PDSS1: variants seen among roughly 807,000 people sequenced by gnomAD.
PDSS1 encodes the protein all trans-polyprenyl-diphosphate synthase PDSS1.
PDSS1 carries 43 observed loss-of-function variants against 57.5 expected under a neutral mutation model. That is an observed-to-expected ratio of 0.75 (90% CI 0.59 to 0.96). The LOEUF (loss-of-function observed/expected upper bound fraction) is 0.96, where lower values mean the gene tolerates loss of function less well. PDSS1 is among the 50% of genes least tolerant of loss of function. The probability of loss-of-function intolerance (pLI) is 0.00; values close to 1 mark genes in which losing one functional copy is unlikely to be tolerated. For synonymous variants in PDSS1, 175 were observed against 191.3 expected (o/e 0.91, Z 0.70); for missense variants, 438 against 527.8 (o/e 0.83, Z 1.67).
chr10:26,699,431 G>T (rs1834976126), intron 1 of PDSS1, among the ~76,000 whole-genome samples: 1 of 143,760 alleles, frequency 7.0e-6, no homozygotes, highest in Non-Finnish European at 1.5e-5. Context: ...GTCTCACTCT[G>T]TCGCCCAGGC....
chr10:26,706,002 A>C (rs1020480507), intron 4 of PDSS1, among the ~76,000 whole-genome samples: 1 of 152,186 alleles, frequency 6.6e-6, no homozygotes, highest in African/African-American at 2.4e-5. Context: ...ACCACCTCCC[A>C]GTGACTCCAG....
chr10:26,740,569 A>G (rs1289234762), intron 10 of PDSS1: 1 of 453,948 alleles, frequency 2.2e-6, no homozygotes, highest in Non-Finnish European at 4.4e-6. Context: ...CGGCTTTTCT[A>G]TGTATGCCCT....
intron 8 of PDSS1, 41 bp downstream of exon 8, chr10:26,724,164 C>T (rs1227136629): frequency 7.3e-7 from 1 of 1,365,434 alleles, no homozygotes; most frequent in East Asian, 2.3e-5. Context: ...AGCCTCATAG[C>T]TCTTTTTTGG....
At chr10:26,742,647 T>C (rs904620701) in intron 11 of PDSS1, 70 bp downstream of exon 11, 47 of 838,122 alleles carry the variant, frequency 5.6e-5, no homozygotes, top group Non-Finnish European at 9.2e-5. Context: ...TCCAAAAATG[T>C]AACATTAACT....
chr10:26,728,351 G>A (rs538545819), intron 8 of PDSS1, among the ~76,000 whole-genome samples: 113 of 152,128 alleles, frequency 7.4e-4, no homozygotes, highest in African/African-American at 2.7e-3. Context: ...TTAGCCGGGC[G>A]TAGTGGCAGG....
At chr10:26,726,309 C>T (rs550980634) in intron 8 of PDSS1, among the ~76,000 whole-genome samples, 5 of 152,338 alleles carry the variant, frequency 3.3e-5, no homozygotes, top group South Asian at 2.1e-4. Context: ...ATGCTGGCAT[C>T]GTCCCAGCAC....
chr10:26,710,786 C>A (rs1164903661), intron 5 of PDSS1, among the ~76,000 whole-genome samples: 10 of 99,138 alleles, frequency 1.0e-4, no homozygotes, highest in African/African-American at 3.3e-4. Flanking sequence ...CCTGGGATTA[C>A]TGACACCTGA....
At chr10:26,703,892 T>C (rs921923064) in intron 2 of PDSS1, among the ~76,000 whole-genome samples, 21 of 151,614 alleles carry the variant, frequency 1.4e-4, no homozygotes, top group Non-Finnish European at 2.4e-4. Flanking sequence ...CCATCCTGGC[T>C]AACACGGTGA....
intron 11 of PDSS1, among the ~76,000 whole-genome samples, chr10:26,744,782 C>T (rs113358436): frequency 2.4e-4 from 37 of 152,168 alleles, no homozygotes; most frequent in African/African-American, 8.7e-4. Flanking sequence ...CAAAAAGGAA[C>T]AGCAAACTAA....
intron 8 of PDSS1, 121 bp downstream of exon 8, chr10:26,724,244 A>C (rs1158595978): frequency 3.4e-5 from 25 of 745,840 alleles, no homozygotes; most frequent in Non-Finnish European, 5.0e-5. Context: ...CAAGAGGTTA[A>C]TGAGGAAAAG....
intron 8 of PDSS1, 92 bp downstream of exon 8, chr10:26,724,215 A>C (rs139516516): frequency 5.6e-5 from 49 of 875,688 alleles, no homozygotes; most frequent in South Asian, 2.1e-4. Context: ...AAGAATCTTA[A>C]AATAGTACCC....
intron 5 of PDSS1, among the ~76,000 whole-genome samples, chr10:26,716,816 A>G (rs1457628943): frequency 6.6e-6 from 1 of 152,236 alleles, no homozygotes; most frequent in Non-Finnish European, 1.5e-5. Context: ...CTCAAGACCA[A>G]GGGCTTCATT....
chr10:26,734,521 A>T (rs1458015654), intron 8 of PDSS1: 2 of 364,172 alleles, frequency 5.5e-6, no homozygotes, highest in Admixed American at 7.3e-5. Flanking sequence ...TGGAGTTTTA[A>T]AAAGACTTTC....
At chr10:26,746,297 A>T in intron 11 of PDSS1, 36 bp from the exon 12 acceptor site, 1 of 1,611,654 alleles carries the variant, frequency 6.2e-7, no homozygotes, top group South Asian at 1.1e-5. Context: ...TCAGTCAGTG[A>T]CAGGCATCTG....
At chr10:26,699,865 G>A (rs937193334) in intron 1 of PDSS1, among the ~76,000 whole-genome samples, 1 of 152,204 alleles carries the variant, frequency 6.6e-6, no homozygotes, top group Non-Finnish European at 1.5e-5. Context: ...GTGTGTCAGT[G>A]ATGCCTTTCA....
intron 11 of PDSS1, among the ~76,000 whole-genome samples, chr10:26,743,460 C>T (rs1836698881): frequency 6.6e-6 from 1 of 152,200 alleles, no homozygotes; most frequent in African/African-American, 2.4e-5. Flanking sequence ...TTATTTTTCT[C>T]TCTTAACTGA....
intron 8 of PDSS1, among the ~76,000 whole-genome samples, chr10:26,728,981 A>G (rs183042457): frequency 3.5e-4 from 53 of 151,708 alleles, no homozygotes; most frequent in African/African-American, 1.2e-3. Context: ...GGGTTTTGCC[A>G]TTTTGCCCAG....
intron 4 of PDSS1, among the ~76,000 whole-genome samples, chr10:26,705,808 A>G (rs552694303): frequency 1.3e-5 from 2 of 152,328 alleles, no homozygotes; most frequent in East Asian, 1.9e-4. Context: ...TGATTGACGT[A>G]TGGTCAAGTT....
At chr10:26,742,157 G>T (rs747851572) in intron 10 of PDSS1, among the ~76,000 whole-genome samples, 1 of 152,200 alleles carries the variant, frequency 6.6e-6, no homozygotes, top group Non-Finnish European at 1.5e-5. Context: ...GATTACAGGC[G>T]TGTGCCACCA....
Sources: allele counts gnomAD v4.1 joint callset (sites outside exome capture counted in the v4.1 genomes callset), GRCh38; gene constraint gnomAD v4.1.1; transcripts MANE v1.5; gene names NCBI Gene and HGNC (gene_info 2026-07-23, HGNC 2026-07-21).